Variants in ASCC1 observed in about 807,000 individuals in gnomAD.
The protein encoded by ASCC1 is activating signal cointegrator 1 complex subunit 1, also known as ASC-1 complex subunit P50.
Under a neutral mutation model 46.6 loss-of-function variants are expected in ASCC1, and 35 were observed. The ratio of observed to expected loss-of-function variants is 0.75; its 90% CI spans 0.57 to 0.99. ASCC1 has a LOEUF of 0.99. Ranked by LOEUF, ASCC1 falls within the 50% of genes least tolerant of loss-of-function variation. The pLI, the probability that ASCC1 is intolerant of heterozygous loss-of-function variation, is 0.00. For missense variants in ASCC1, 376 were observed against 428.7 expected (o/e 0.88, Z 1.09); for synonymous variants, 143 against 146.6 (o/e 0.98, Z 0.18).
chr10:72,214,903 C>T (rs1183485689), intron 1 of ASCC1, among the ~76,000 whole-genome samples: 2 of 152,180 alleles, frequency 1.3e-5, no homozygotes, highest in African/African-American at 2.4e-5. Context: ...AGGCCACTGC[C>T]CAACAAAATG....
intron 6 of ASCC1, among the ~76,000 whole-genome samples, chr10:72,153,520 G>A (rs1848605523): frequency 6.6e-6 from 1 of 151,820 alleles, no homozygotes; most frequent in Non-Finnish European, 1.5e-5. Context: ...CCACCTCCCG[G>A]GTTCACACCA....
At chr10:72,130,830 C>T (rs143910543) in intron 8 of ASCC1, among the ~76,000 whole-genome samples, 3,976 of 152,224 alleles carry the variant, frequency 0.026, 148 homozygotes, top group Admixed American at 0.095. Flanking sequence ...TATTGGACAT[C>T]GCAGATACAG....
At chr10:72,136,007 T>TTTG (rs908337578) in intron 7 of ASCC1, among the ~76,000 whole-genome samples, 153 of 152,158 alleles carry the variant, frequency 1.0e-3, no homozygotes, top group African/African-American at 3.2e-3. Flanking sequence ...AGGGTTGTTT[T>TTTG]TTGTTGTTGT....
At chr10:72,170,057 T>C (rs1850867385) in intron 5 of ASCC1, among the ~76,000 whole-genome samples, 1 of 151,974 alleles carries the variant, frequency 6.6e-6, no homozygotes, top group African/African-American at 2.4e-5. Context: ...GAGGAAGACG[T>C]TGCAGTGAGA....
At chr10:72,162,417 C>T (rs1376999566) in intron 5 of ASCC1, among the ~76,000 whole-genome samples, 3 of 151,918 alleles carry the variant, frequency 2.0e-5, no homozygotes, top group Non-Finnish European at 4.4e-5. Flanking sequence ...ATGATCCGCC[C>T]GCCTCAGCCT....
chr10:72,102,685 A>T (rs1841913319), intron 9 of ASCC1, among the ~76,000 whole-genome samples: 1 of 152,126 alleles, frequency 6.6e-6, no homozygotes, highest in Non-Finnish European at 1.5e-5. Context: ...ATTATACATT[A>T]AAAGATTGGC....
At chr10:72,115,286 C>T (rs1843373974) in intron 9 of ASCC1, among the ~76,000 whole-genome samples, 1 of 152,160 alleles carries the variant, frequency 6.6e-6, no homozygotes, top group Admixed American at 6.5e-5. Context: ...GTGCAAGACA[C>T]ATTGCTAAGC....
intron 4 of ASCC1, among the ~76,000 whole-genome samples, chr10:72,200,530 C>T (rs1400022107): frequency 6.6e-6 from 1 of 151,816 alleles, no homozygotes; most frequent in Admixed American, 6.6e-5. Context: ...TGTCTGTAAT[C>T]CCAACTACTT....
chr10:72,130,036 T>C (rs1179713615), intron 8 of ASCC1, among the ~76,000 whole-genome samples: 1 of 141,284 alleles, frequency 7.1e-6, no homozygotes, highest in African/African-American at 2.6e-5. Context: ...AGGAATAAAG[T>C]ACTGATGTGT....
At chr10:72,144,029 T>C (rs1342676382) in intron 7 of ASCC1, among the ~76,000 whole-genome samples, 2 of 151,930 alleles carry the variant, frequency 1.3e-5, no homozygotes, top group Non-Finnish European at 2.9e-5. Flanking sequence ...TCTCACTCTG[T>C]TGCCCACACG....
intron 9 of ASCC1, among the ~76,000 whole-genome samples, chr10:72,107,316 A>AG (rs1842451055): frequency 6.9e-6 from 1 of 145,752 alleles, no homozygotes; most frequent in Admixed American, 6.8e-5. Flanking sequence ...CCCCCCCAAA[A>AG]AAATAAATTT....
rs145276722 is a variant in ASCC1 at position 72,207,314 on chromosome 10, C to G, written c.212+3418G>C. Among the ~76,000 whole-genome samples, 156 of 152,038 alleles carry G rather than the reference C, an allele frequency of 1.0e-3. 3 individuals are homozygous for G. Among genetic ancestry groups the G allele is most frequent in the African/African-American group, 3.1e-3 (130 of 41,472 alleles). On this transcript the variant is annotated intron_variant, in intron 3 of 9. Coordinates refer to ENST00000672957, the MANE Select transcript of ASCC1 (RefSeq NM_001198800.3). ...CTGTAGTCCCAGCTACTCGGGAGGC[C>G]GAAGCAGGAGAATCACTTAAACCAG...
chr10:72,205,841 T>G (rs1313776964), intron 3 of ASCC1, among the ~76,000 whole-genome samples: 1 of 151,524 alleles, frequency 6.6e-6, no homozygotes, highest in Admixed American at 6.6e-5. Context: ...CTGGGGGTGG[T>G]GTCTCACGCC....
In ASCC1 at chr10:72,177,985, CAAAG is replaced by C. The variant is rs5786064; in HGVS notation, c.490-16315_490-16312del. ...ATATTTCTTATATAACAGATGAACACAAAGAAAGGTGACTTCAGGGAATGCTATC... is the reference window on the plus strand; with the variant it reads ...ATATTTCTTATATAACAGATGAACACAAAGGTGACTTCAGGGAATGCTATC... On this transcript the variant is annotated intron_variant, in intron 5 of 9. Coordinates refer to ENST00000672957, the MANE Select transcript of ASCC1 (RefSeq NM_001198800.3). Among the ~76,000 whole-genome samples, 436 of 152,112 alleles carry C rather than the reference CAAAG, an allele frequency of 2.9e-3. 5 individuals are homozygous for C. Among genetic ancestry groups the C allele is most frequent in the Admixed American group, 0.021 (314 of 15,272 alleles).
At chr10:72,176,304 A>T (rs568011454) in intron 5 of ASCC1, among the ~76,000 whole-genome samples, 85 of 152,150 alleles carry the variant, frequency 5.6e-4, no homozygotes, top group African/African-American at 2.0e-3. Context: ...CTGTGGTGCT[A>T]AGTTCATCAC....
intron 5 of ASCC1, among the ~76,000 whole-genome samples, chr10:72,184,067 C>T (rs999341188): frequency 1.7e-4 from 26 of 152,012 alleles, no homozygotes; most frequent in African/African-American, 5.3e-4. Flanking sequence ...TCGCTTGAAC[C>T]GGGGAGGCGG....
At chr10:72,197,362 C>T (rs980969604) in intron 4 of ASCC1, among the ~76,000 whole-genome samples, 4 of 146,902 alleles carry the variant, frequency 2.7e-5, no homozygotes, top group East Asian at 2.0e-4. Context: ...CCCAGCTACT[C>T]GGAAGGCTAA....
Position 72,097,229 on chromosome 10 carries a change from G to A in ASCC1, c.*105C>T, listed in dbSNP as rs567053797. ...AATCTATGGGGAACCACCCAGGAAA[G>A]TCACCATCCAAATGTCCACATCCCT... is the stretch of plus-strand genomic sequence containing the variant. On this transcript the variant is annotated 3_prime_UTR_variant, in exon 10 of 10. Transcript: ENST00000672957. 4.8e-6 allele frequency: 4 copies of A among 837,420 alleles called. No individual in the cohort carries two copies. In the Admixed American group the frequency reaches 6.9e-5, roughly 14 times the overall value. The allele number at this position is 837,420 out of a possible 1,614,324, so 51.9% of individuals were successfully genotyped here.
intron 7 of ASCC1, among the ~76,000 whole-genome samples, chr10:72,146,734 GCT>G (rs1185957320): frequency 2.6e-5 from 4 of 152,122 alleles, no homozygotes; most frequent in Non-Finnish European, 5.9e-5. Context: ...TACTGTCCCA[GCT>G]CTCTGTTTCC....
Sources: gnomAD v4.1 joint callset for allele counts (sites outside exome capture counted in the v4.1 genomes callset) on GRCh38, gnomAD v4.1.1 for gene constraint, MANE v1.5 for transcripts, NCBI Gene and HGNC (gene_info 2026-07-23, HGNC 2026-07-21) for gene names.